Variants in ARL5A observed in about 807,000 individuals in gnomAD.
ARL5A encodes the protein ADP-ribosylation factor-like protein 5A.
A neutral mutation model predicts 25.9 loss-of-function variants in ARL5A; 18 were observed. The observed-to-expected ratio is 0.69, with a 90% CI of 0.48 to 1.03. The LOEUF is 1.03. Among genes scored for constraint, ARL5A ranks in the 50% least tolerant of loss-of-function variants. The pLI, the probability that ARL5A is intolerant of heterozygous loss-of-function variation, is 0.00. For synonymous variants in ARL5A, 61 were observed against 67.5 expected (o/e 0.90, Z 0.47); for missense variants, 170 against 211.9 (o/e 0.80, Z 1.23).
chr2:151,809,223 A>C (rs1308626106), intron 4 of ARL5A, among the ~76,000 whole-genome samples: 1 of 152,202 alleles, frequency 6.6e-6, no homozygotes, highest in Non-Finnish European at 1.5e-5. Context: ...TGTTGAAGGA[A>C]CAACCTTCTG....
chr2:151,815,326 C>A (rs72621645), intron 1 of ARL5A, 127 bp from the exon 2 acceptor site: 3 of 709,046 alleles, frequency 4.2e-6, no homozygotes, highest in Middle Eastern at 4.3e-4. Flanking sequence ...GCACTTTATA[C>A]TTTCTCAGAA....
chr2:151,801,508 A>G lies in ARL5A; in HGVS notation c.*1768T>C, dbSNP rs565478221. The G allele has an allele frequency of 6.6e-6, 1 of 152,298 alleles. No individual in the cohort carries two copies. Among genetic ancestry groups the G allele is most frequent in the South Asian group, 2.1e-4 (1 of 4,832 alleles). The allele number at this position is 152,298 out of a possible 1,614,324, so 9.4% of individuals were successfully genotyped here. ...CTTTATAGGGATTTGAGAAAGTACG[A>G]GAACATATGGGAAAAGCTTAGTAAT... On this transcript the variant is annotated 3_prime_UTR_variant, in exon 6 of 6. Coordinates refer to ENST00000295087, the MANE Select transcript of ARL5A (RefSeq NM_012097.4).
chr2:151,822,435 G>C (rs1020187845), intron 1 of ARL5A, among the ~76,000 whole-genome samples: 4 of 152,198 alleles, frequency 2.6e-5, no homozygotes, highest in African/African-American at 9.7e-5. Context: ...CTCAATAATA[G>C]GGTCAGATTA....
Position 151,800,064 on chromosome 2 carries a change from G to A in ARL5A, c.*3212C>T, listed in dbSNP as rs1380462922. ...ACATACAACTGGGCAGTTGAGAGAA[G>A]ACTGGAGTTTGGAGATAACCGATGA... is the stretch of plus-strand genomic sequence containing the variant. On this transcript the variant is annotated 3_prime_UTR_variant, in exon 6 of 6. Transcript: ENST00000295087. 6.6e-6 allele frequency: 1 copy of A among 152,208 alleles called. No homozygotes were observed. Among genetic ancestry groups the A allele is most frequent in the Admixed American group, 6.5e-5 (1 of 15,278 alleles). The allele number at this position is 152,208 out of a possible 1,614,324, so 9.4% of individuals were successfully genotyped here.
intron 1 of ARL5A, among the ~76,000 whole-genome samples, chr2:151,825,965 A>C (rs2099833001): frequency 6.6e-6 from 1 of 152,156 alleles, no homozygotes; most frequent in Non-Finnish European, 1.5e-5. Flanking sequence ...TCTACAAAAA[A>C]TACAAAAATT....
intron 2 of ARL5A, among the ~76,000 whole-genome samples, chr2:151,814,690 G>C (rs1337407588): frequency 6.6e-6 from 1 of 151,814 alleles, no homozygotes; most frequent in African/African-American, 2.4e-5. Context: ...TGAGTAGCTG[G>C]AACTACAGGT....
chr2:151,799,592 C>G lies in ARL5A; in HGVS notation c.*3684G>C, dbSNP rs1181927216. The stretch of plus-strand genomic sequence containing the variant: ...CTCCTATCTTTCTGAATCTACTTCC[C>G]AACATGTGAAGTTAAATTAAGAAGC... On this transcript the variant is annotated 3_prime_UTR_variant, in exon 6 of 6. Coordinates refer to ENST00000295087, the MANE Select transcript of ARL5A (RefSeq NM_012097.4). 1.3e-5 allele frequency: 2 copies of G among 152,198 alleles called. No individual in the cohort carries two copies. The highest frequency in any genetic ancestry group is 3.9e-4 in the East Asian group (2 of 5,184). The allele number at this position is 152,198 out of a possible 1,614,324, so 9.4% of individuals were successfully genotyped here.
intron 1 of ARL5A, among the ~76,000 whole-genome samples, chr2:151,823,548 G>A (rs962119088): frequency 1.3e-5 from 2 of 152,106 alleles, no homozygotes; most frequent in African/African-American, 4.8e-5. Flanking sequence ...ACAGGGGACT[G>A]GAGTAATGAG....
intron 1 of ARL5A, among the ~76,000 whole-genome samples, chr2:151,820,998 T>C (rs2099832231): frequency 6.6e-6 from 1 of 152,168 alleles, no homozygotes; most frequent in South Asian, 2.1e-4. Context: ...GGTAAGATCA[T>C]TAGATAAACA....
intron 1 of ARL5A, among the ~76,000 whole-genome samples, chr2:151,817,999 C>G (rs1337960046): frequency 6.6e-6 from 1 of 152,140 alleles, no homozygotes; most frequent in Non-Finnish European, 1.5e-5. Flanking sequence ...AGAGCGAAAC[C>G]CCGTCTGTGG....
intron 1 of ARL5A, among the ~76,000 whole-genome samples, chr2:151,820,681 A>AC (rs1191651629): frequency 2.6e-5 from 4 of 151,014 alleles, no homozygotes; most frequent in African/African-American, 9.7e-5. Flanking sequence ...AAAAAAAAAA[A>AC]AAAACAGAAT....
At chr2:151,822,127 T>C in intron 1 of ARL5A, among the ~76,000 whole-genome samples, 1 of 151,912 alleles carries the variant, frequency 6.6e-6, no homozygotes, top group Non-Finnish European at 1.5e-5. Flanking sequence ...GGATTACAGG[T>C]GTGAACCACC....
rs1266201357 is a variant in ARL5A at position 151,814,160 on chromosome 2, A to C, written c.255+9T>G. On this transcript the variant is annotated intron_variant, in intron 3 of 5. Transcript: ENST00000295087. The stretch of plus-strand genomic sequence containing the variant: ...TTTATAGAATTTTAAATATTGTAAG[A>C]AACATTACCTCTGTGTTAGTATAGT... The C allele has an allele frequency of 1.9e-6, 3 of 1,559,904 alleles. No individual in the cohort carries two copies. In the African/African-American group the frequency reaches 4.2e-5, roughly 22 times the overall value.
intron 1 of ARL5A, among the ~76,000 whole-genome samples, chr2:151,819,899 CAAA>C (rs2099832037): frequency 6.6e-6 from 1 of 152,090 alleles, no homozygotes; most frequent in South Asian, 2.1e-4. Flanking sequence ...ACTAAAAATA[CAAA>C]AAAATTAGCC....
chr2:151,809,923 A>T (rs1329839566), intron 4 of ARL5A, among the ~76,000 whole-genome samples: 1 of 152,172 alleles, frequency 6.6e-6, no homozygotes, highest in Non-Finnish European at 1.5e-5. Context: ...CTCTACTAAA[A>T]ATATAAAAAA....
intron 5 of ARL5A, among the ~76,000 whole-genome samples, chr2:151,806,052 C>A (rs2099830064): frequency 6.6e-6 from 1 of 152,158 alleles, no homozygotes. Flanking sequence ...TTTCTCAATG[C>A]ACAGAATTTG....
intron 5 of ARL5A, among the ~76,000 whole-genome samples, chr2:151,803,793 A>G (rs1008079515): frequency 2.6e-5 from 4 of 152,264 alleles, no homozygotes; most frequent in Admixed American, 2.6e-4. Flanking sequence ...TGTCAAAAAT[A>G]TATCTGGCAA....
Position 151,801,914 on chromosome 2 carries a change from T to A in ARL5A, c.*1362A>T, listed in dbSNP as rs561531505. The stretch of plus-strand genomic sequence containing the variant: ...TTTAGGATAAGTTTGTTTACAGTTG[T>A]GACAGGAATACCTTTGACTTTCAGA... On this transcript the variant is annotated 3_prime_UTR_variant, in exon 6 of 6. Transcript: ENST00000295087. 2 of 152,226 alleles carry A rather than the reference T, an allele frequency of 1.3e-5. No homozygotes were observed. Among genetic ancestry groups the A allele is most frequent in the Admixed American group, 1.3e-4 (2 of 15,280 alleles). The allele number at this position is 152,226 out of a possible 1,614,324, so 9.4% of individuals were successfully genotyped here. A position where few individuals can be genotyped will look rare whatever the true frequency, so the allele number is the denominator to read the frequency against.
intron 4 of ARL5A, 41 bp from the exon 5 acceptor site, chr2:151,807,013 C>T (rs1413678832): frequency 6.6e-7 from 1 of 1,524,362 alleles, no homozygotes; most frequent in African/African-American, 1.4e-5. Context: ...ATACATTTTC[C>T]ACATATTTTT....
Sources: allele counts gnomAD v4.1 joint callset (sites outside exome capture counted in the v4.1 genomes callset), GRCh38; gene constraint gnomAD v4.1.1; transcripts MANE v1.5; gene names NCBI Gene and HGNC (gene_info 2026-07-23, HGNC 2026-07-21).